Variants in EMSY observed in about 807,000 individuals in gnomAD.
EMSY encodes BRCA2-interacting transcriptional repressor EMSY.
EMSY carries 26 observed loss-of-function variants against 134.6 expected under a neutral mutation model. The ratio of observed to expected loss-of-function variants is 0.19; its 90% confidence interval spans 0.14 to 0.27. EMSY has a LOEUF of 0.27. Among genes scored for constraint, EMSY ranks in the 10% least tolerant of loss-of-function variants. EMSY has a pLI of 1.00. For missense variants in EMSY, 1,305 were observed against 1,611.4 expected (o/e 0.81, Z 3.26); for synonymous variants, 579 against 577.8 (o/e 1.00, Z -0.03).
chr11:76,452,830 A>G (rs1433316449), intron 3 of EMSY, among the ~76,000 whole-genome samples: 1 of 152,196 alleles, frequency 6.6e-6, no homozygotes, highest in African/African-American at 2.4e-5. Context: ...GCCACAGGAA[A>G]CAGATTATCT....
intron 20 of EMSY, among the ~76,000 whole-genome samples, chr11:76,549,628 G>C (rs1020827461): frequency 9.2e-5 from 14 of 152,240 alleles, no homozygotes; most frequent in African/African-American, 3.4e-4. Context: ...ATTGCTTTCA[G>C]TTGTACAAGA....
exon 8 of EMSY, chr11:76,472,692 A>G (rs1204581522): frequency 6.2e-7 from 1 of 1,614,206 alleles, no homozygotes; most frequent in Non-Finnish European, 8.5e-7. Flanking sequence ...AGAAGCCACC[A>G]GTTGTTATAA....
chr11:76,486,400 T>TA (rs984214658), intron 8 of EMSY, among the ~76,000 whole-genome samples: 15 of 152,072 alleles, frequency 9.9e-5, no homozygotes, highest in South Asian at 8.3e-4. Flanking sequence ...TAAAATATAA[T>TA]AAAAAAATGC....
intron 6 of EMSY, 87 bp from the exon 8 acceptor site, chr11:76,463,734 C>T: frequency 7.0e-7 from 1 of 1,428,526 alleles, no homozygotes; most frequent in Non-Finnish European, 9.5e-7. Flanking sequence ...AGAGAGAGGA[C>T]AAGGATGATA....
intron 14 of EMSY, among the ~76,000 whole-genome samples, chr11:76,530,889 G>T (rs1007129501): frequency 2.3e-4 from 35 of 152,184 alleles, no homozygotes; most frequent in African/African-American, 7.7e-4. Context: ...CTGTTACATT[G>T]TTGCTTTTGT....
At chr11:76,532,485 C>T (rs891069990) in intron 14 of EMSY, among the ~76,000 whole-genome samples, 18 of 151,770 alleles carry the variant, frequency 1.2e-4, no homozygotes, top group Admixed American at 1.2e-3. Context: ...TCGCCTAGGT[C>T]ACTTACTAAA....
At chr11:76,457,043 G>A (rs1028991771) in intron 4 of EMSY, among the ~76,000 whole-genome samples, 1 of 152,076 alleles carries the variant, frequency 6.6e-6, no homozygotes, top group Non-Finnish European at 1.5e-5. Context: ...TAAAATGGAG[G>A]TAATAATACT....
exon 21 of EMSY, chr11:76,550,283 A>G (rs1951799343): frequency 1.8e-6 from 1 of 557,786 alleles, no homozygotes; most frequent in African/African-American, 1.9e-5. Flanking sequence ...TTTCAACAAG[A>G]TGTTGCTGCA....
In EMSY at chr11:76,505,447, T is replaced by A. The variant is rs192746206; in HGVS notation, c.1364-7939T>A. 7.0e-4 allele frequency among the ~76,000 whole-genome samples: 104 copies of A among 147,870 alleles called. 1 individual carries two copies. Among genetic ancestry groups the A allele is most frequent in the African/African-American group, 2.5e-3 (100 of 40,406 alleles). The stretch of plus-strand genomic sequence containing the variant: ...AACTCCTGACTTCAAGTGATCCACC[T>A]ACCTTGTTGTAAAACTATAAAAATA... On this transcript the variant is annotated intron_variant, in intron 9 of 20. Coordinates refer to ENST00000334736, the Ensembl canonical transcript of EMSY.
intron 6 of EMSY, among the ~76,000 whole-genome samples, chr11:76,463,540 G>A (rs1031505403): frequency 4.6e-5 from 7 of 151,522 alleles, no homozygotes; most frequent in African/African-American, 9.7e-5. Context: ...GGAGAATGGC[G>A]TGAACCCGGG....
At chr11:76,496,117 T>A in intron 8 of EMSY, 98 bp from the exon 10 acceptor site, 1 of 1,328,774 alleles carries the variant, frequency 7.5e-7, no homozygotes, top group Admixed American at 2.4e-5. Context: ...TTTTGTTGAT[T>A]TCCCTATTCT....
chr11:76,447,784 T>C (rs1425334343), intron 2 of EMSY, among the ~76,000 whole-genome samples: 1 of 152,228 alleles, frequency 6.6e-6, no homozygotes, highest in African/African-American at 2.4e-5. Flanking sequence ...GTAGTTCAAA[T>C]GAGGATCTTT....
exon 21 of EMSY, chr11:76,550,538 AATG>A (rs1259551088): frequency 6.4e-6 from 1 of 156,782 alleles, no homozygotes; most frequent in East Asian, 1.8e-4. Context: ...TGTATTTTGA[AATG>A]ATGTGTCAGG....
chr11:76,518,496 G>T (rs1463268842), intron 11 of EMSY, among the ~76,000 whole-genome samples: 1 of 151,406 alleles, frequency 6.6e-6, no homozygotes, highest in Non-Finnish European at 1.5e-5. Context: ...CAAACATCTA[G>T]CTATAAGACT....
chr11:76,478,483 C>T (rs2135455025), intron 8 of EMSY, among the ~76,000 whole-genome samples: 1 of 151,680 alleles, frequency 6.6e-6, no homozygotes, highest in Middle Eastern at 3.4e-3. Flanking sequence ...AGCTGGGATA[C>T]AGGCGCGTGC....
intron 1 of EMSY, among the ~76,000 whole-genome samples, chr11:76,446,278 A>G (rs946388231): frequency 7.1e-6 from 1 of 141,832 alleles, no homozygotes; most frequent in Non-Finnish European, 1.5e-5. Context: ...ATCAAAATTC[A>G]TATTCCATTA....
In EMSY at chr11:76,496,203, C is replaced by T. The variant is rs1012435812; in HGVS notation, c.1109-12C>T. The T allele has an allele frequency of 1.3e-6, 2 of 1,599,300 alleles. No homozygotes were observed. The highest frequency in any genetic ancestry group is 2.7e-5 in the African/African-American group (2 of 74,436). On this transcript the variant is annotated splice_polypyrimidine_tract_variant and intron_variant, in intron 8 of 20. Coordinates refer to ENST00000334736, the Ensembl canonical transcript of EMSY. Reference sequence around the variant, plus strand: ...CTATCAAATTCTCTTTTCCCTTACTCCTTTTCTACAGGTGTATCTACATCA... The same window carrying T: ...CTATCAAATTCTCTTTTCCCTTACTTCTTTTCTACAGGTGTATCTACATCA...
At chr11:76,503,323 A>AAT (rs1555060666) in intron 9 of EMSY, among the ~76,000 whole-genome samples, 40 of 143,204 alleles carry the variant, frequency 2.8e-4, no homozygotes, top group African/African-American at 1.1e-3. Context: ...AAAAAAAAAA[A>AAT]GAAGAAGAAG....
At chr11:76,522,972 TTC>T (rs1230662196) in intron 11 of EMSY, among the ~76,000 whole-genome samples, 181 bp from the exon 13 acceptor site, 2 of 152,190 alleles carry the variant, frequency 1.3e-5, no homozygotes, top group African/African-American at 2.4e-5. Flanking sequence ...ATTCTTAATA[TTC>T]TCTCATTCTG....
Sources: allele counts gnomAD v4.1 joint callset (sites outside exome capture counted in the v4.1 genomes callset), GRCh38; gene constraint gnomAD v4.1.1; transcripts MANE v1.5; gene names NCBI Gene and HGNC (gene_info 2026-07-23, HGNC 2026-07-21).